Variants in MTARC1 observed in about 807,000 individuals in gnomAD.
MTARC1 encodes mitochondrial amidoxime-reducing component 1.
MTARC1 carries 24 observed loss-of-function variants against 33.6 expected under a neutral mutation model. That is an observed-to-expected ratio of 0.72 (90% confidence interval 0.52 to 1.01). MTARC1 has a LOEUF of 1.01. MTARC1 is among the 50% of genes least tolerant of loss of function. The probability of loss-of-function intolerance (pLI) is 0.00; values close to 1 mark genes in which losing one functional copy is unlikely to be tolerated. For synonymous variants in MTARC1, 187 were observed against 189.5 expected (o/e 0.99, Z 0.11); for missense variants, 417 against 445.7 (o/e 0.94, Z 0.58).
rs187258094 is a variant in MTARC1 at position 220,794,609 on chromosome 1, T to C, written c.450-2034T>C. Among the ~76,000 whole-genome samples, 29 of 152,232 alleles carry C rather than the reference T, an allele frequency of 1.9e-4. 1 individual carries two copies. Among genetic ancestry groups the C allele is most frequent in the African/African-American group, 7.0e-4 (29 of 41,546 alleles). ...ATAAGTAGATATGATTAATACTAGG[T>C]TAGAATGATTACTTCCCAAGGTGAC... On this transcript the variant is annotated intron_variant, in intron 2 of 6. Coordinates refer to ENST00000366910, the MANE Select transcript of MTARC1 (RefSeq NM_022746.4).
At position 220,816,471 on chromosome 1, in the gene MTARC1, A is replaced by T. The variant is rs996147952; in HGVS notation, c.*3053A>T. 5 of 152,104 alleles carry T rather than the reference A, an allele frequency of 3.3e-5. No homozygotes were observed. Among genetic ancestry groups the T allele is most frequent in the African/African-American group, 4.8e-5 (2 of 41,402 alleles). The allele number at this position is 152,104 out of a possible 1,614,324, so 9.4% of individuals were successfully genotyped here. On this transcript the variant is annotated 3_prime_UTR_variant, in exon 7 of 7. Transcript: ENST00000366910. ...GAATTCTGAAAGTTTGCCTTTCGGGATGCTTCTAAAAACAATTCCATGGAC... is the reference window on the plus strand; with the variant it reads ...GAATTCTGAAAGTTTGCCTTTCGGGTTGCTTCTAAAAACAATTCCATGGAC...
chr1:220,807,561 T>TGAC (rs1310004454), intron 6 of MTARC1, among the ~76,000 whole-genome samples: 1 of 152,060 alleles, frequency 6.6e-6, no homozygotes, highest in Non-Finnish European at 1.5e-5. Flanking sequence ...CCAATTTGGA[T>TGAC]GACAGAGTGA....
chr1:220,795,808 G>C (rs1015158307), intron 2 of MTARC1, among the ~76,000 whole-genome samples: 2 of 152,202 alleles, frequency 1.3e-5, no homozygotes, highest in African/African-American at 4.8e-5. Flanking sequence ...TAAAAGAGGA[G>C]ATTATCAAGT....
rs1240752180 is a variant in MTARC1, at chr1:220,791,610, A to G, written c.395A>G (p.Lys132Arg). The G allele has an allele frequency of 1.2e-6, 2 of 1,614,198 alleles. No individual in the cohort carries two copies. Among genetic ancestry groups the G allele is most frequent in the Non-Finnish European group, 1.7e-6 (2 of 1,180,042 alleles). Residue 132 changes from lysine to arginine, a missense_variant, in exon 2 of 7, where the codon AAG (lysine) becomes AGG (arginine). Coordinates refer to ENST00000366910, the MANE Select transcript of MTARC1 (RefSeq NM_022746.4). ...DTLTLSAAYTKDLLLPIKTPT... is the reference protein window; with the variant it reads ...DTLTLSAAYTRDLLLPIKTPT... ...CTGACTCTCAGTGCAGCCTACACAA[A>G]GGACCTACTACTGCCTATCAAAACG...
intron 1 of MTARC1, among the ~76,000 whole-genome samples, chr1:220,788,178 G>A (rs921182673): frequency 6.6e-6 from 1 of 152,178 alleles, no homozygotes; most frequent in Non-Finnish European, 1.5e-5. Flanking sequence ...TTTGTAAAGA[G>A]TGACTTTGTT....
At chr1:220,809,457 C>T (rs1171532954) in intron 6 of MTARC1, among the ~76,000 whole-genome samples, 2 of 150,906 alleles carry the variant, frequency 1.3e-5, no homozygotes, top group Non-Finnish European at 3.0e-5. Flanking sequence ...TGTGGCACCT[C>T]TCCCAGGAAC....
chr1:220,796,863 C>A, intron 3 of MTARC1, 58 bp downstream of exon 3: 2 of 1,511,012 alleles, frequency 1.3e-6, no homozygotes, highest in South Asian at 1.3e-5. Context: ...TCAGGGGGCT[C>A]AGGTGGCATC....
In MTARC1 at chr1:220,817,020, T is replaced by C. The variant is rs1571687864; in HGVS notation, c.*3602T>C. On this transcript the variant is annotated 3_prime_UTR_variant, in exon 7 of 7. Transcript: ENST00000366910. ...GTGATGTAAGTTACAAAACCACCTGTGATGAAAGTGCTCCAGGATGCTTCA... is the reference window on the plus strand; with the variant it reads ...GTGATGTAAGTTACAAAACCACCTGCGATGAAAGTGCTCCAGGATGCTTCA... 6.6e-6 allele frequency: 1 copy of C among 152,138 alleles called. No homozygotes were observed. Among genetic ancestry groups the C allele is most frequent in the East Asian group, 1.9e-4 (1 of 5,158 alleles). The allele number at this position is 152,138 out of a possible 1,614,324, so 9.4% of individuals were successfully genotyped here. A position where few individuals can be genotyped will look rare whatever the true frequency, so the allele number is the denominator to read the frequency against.
Position 220,805,202 on chromosome 1 carries a change from G to T in MTARC1, c.816-1G>T. 2 of 1,614,084 alleles carry T rather than the reference G, an allele frequency of 1.2e-6. No individual in the cohort carries two copies. Among genetic ancestry groups the T allele is most frequent in the Non-Finnish European group, 1.7e-6 (2 of 1,180,038 alleles). ...TTATGATGCTCTGTGTGTGTGTCCA[G>T]ATGCATTTTAACCACAGTGGACCCA... On this transcript the variant is annotated splice_acceptor_variant, in intron 5 of 6. Transcript: ENST00000366910. LOFTEE classifies it high-confidence loss of function.
intron 1 of MTARC1, among the ~76,000 whole-genome samples, chr1:220,788,398 C>CT (rs924468852): frequency 1.3e-5 from 2 of 152,212 alleles, no homozygotes; most frequent in African/African-American, 4.8e-5. Context: ...AACCTTTCTC[C>CT]TACCAGCTCC....
chr1:220,808,212 GC>G (rs1673028299), intron 6 of MTARC1, among the ~76,000 whole-genome samples: 1 of 152,108 alleles, frequency 6.6e-6, no homozygotes, highest in Admixed American at 6.5e-5. Context: ...CATCTTCAGT[GC>G]CCCCCTTCCT....
intron 4 of MTARC1, among the ~76,000 whole-genome samples, chr1:220,800,889 T>C (rs1672775126): frequency 9.0e-6 from 1 of 110,760 alleles, no homozygotes; most frequent in Non-Finnish European, 1.8e-5. Context: ...TCTTGGTGGC[T>C]GGGCCTTCCC....
intron 3 of MTARC1, 138 bp from the exon 4 acceptor site, chr1:220,797,736 A>T: frequency 1.2e-6 from 1 of 803,294 alleles, no homozygotes; most frequent in South Asian, 1.8e-5. Context: ...GACTTCTATT[A>T]AAAGAACAAG....
intron 4 of MTARC1, among the ~76,000 whole-genome samples, chr1:220,802,541 AG>A (rs1438878107): frequency 6.6e-6 from 1 of 152,226 alleles, no homozygotes; most frequent in Non-Finnish European, 1.5e-5. Context: ...CATGTTGGCC[AG>A]GCTGGTCTCG....
Position 220,818,964 on chromosome 1 carries a change from C to G in MTARC1, c.*5546C>G, listed in dbSNP as rs115704423. 6.6e-6 allele frequency: 1 copy of G among 152,146 alleles called. No individual in the cohort carries two copies. The highest frequency in any genetic ancestry group is 1.5e-5 in the Non-Finnish European group (1 of 68,022). The allele number at this position is 152,146 out of a possible 1,614,324, so 9.4% of individuals were successfully genotyped here. On this transcript the variant is annotated 3_prime_UTR_variant, in exon 7 of 7. Coordinates refer to ENST00000366910, the MANE Select transcript of MTARC1 (RefSeq NM_022746.4). The stretch of plus-strand genomic sequence containing the variant: ...CTTTGTAAACACATGAATAATTGAT[C>G]GTCCAGCGCTCACATAGCTACCGCG...
chr1:220,799,074 T>A (rs1672708305), intron 4 of MTARC1: 1 of 985,310 alleles, frequency 1.0e-6, no homozygotes, highest in African/African-American at 1.7e-5. Context: ...ATGATCATAT[T>A]TCTGCCTAGG....
rs1362375925 is a variant in MTARC1 at position 220,787,013 on chromosome 1, C to A, written c.69C>A (p.Leu23=). 7.6e-7 allele frequency: 1 copy of A among 1,308,906 alleles called. No homozygotes were observed. The highest frequency in any genetic ancestry group is 9.6e-7 in the Non-Finnish European group (1 of 1,036,784). The allele number at this position is 1,308,906 out of a possible 1,614,324, so 81.1% of individuals were successfully genotyped here. Residue 23 remains leucine (L), a synonymous_variant, in exon 1 of 7, where the codon CTC becomes CTA. Coordinates refer to ENST00000366910, the MANE Select transcript of MTARC1 (RefSeq NM_022746.4). Reference sequence around the variant, plus strand: ...TCGCGCAATCCCGGCCCGGGTGGCTCGGGGTTGCCGCGCTGGGCCTGACCG... The same window carrying A: ...TCGCGCAATCCCGGCCCGGGTGGCTAGGGGTTGCCGCGCTGGGCCTGACCG... ...VLLAQSRPGW[L]GVAALGLTAV...
Position 220,786,915 on chromosome 1 carries a change from T to TGCC in MTARC1, c.-23_-21dup. On this transcript the variant is annotated 5_prime_UTR_variant, in exon 1 of 7. Coordinates refer to ENST00000366910, the MANE Select transcript of MTARC1 (RefSeq NM_022746.4). Reference sequence around the variant, plus strand: ...CCGGGCGACCAGCGCGCTCCGGCCTTGCCGCCGCCACCTCGCGGAGAAGCC... The same window carrying TGCC: ...CCGGGCGACCAGCGCGCTCCGGCCTTGCCGCCGCCGCCACCTCGCGGAGAAGCC... The TGCC allele has an allele frequency of 2.4e-6, 3 of 1,228,448 alleles. No homozygotes were observed. Among genetic ancestry groups the TGCC allele is most frequent in the Non-Finnish European group, 3.0e-6 (3 of 987,066 alleles). 76.1% of individuals were successfully genotyped at this position (1,228,448 alleles called of 1,614,324 possible).
chr1:220,790,591 A>T (rs939917595), intron 1 of MTARC1, among the ~76,000 whole-genome samples: 1 of 152,210 alleles, frequency 6.6e-6, no homozygotes, highest in Non-Finnish European at 1.5e-5. Context: ...TAGCTGAACA[A>T]CTCAACCATG....
Sources: allele counts gnomAD v4.1 joint callset (sites outside exome capture counted in the v4.1 genomes callset), GRCh38; gene constraint gnomAD v4.1.1; transcripts MANE v1.5; gene names NCBI Gene and HGNC (gene_info 2026-07-23, HGNC 2026-07-21).